CDS2: variants seen among roughly 807,000 people sequenced by gnomAD.
CDS2 encodes the protein CDP-diacylglycerol synthase 2.
Under a neutral mutation model 59.0 loss-of-function variants are expected in CDS2, and 47 were observed. The ratio of observed to expected loss-of-function variants is 0.80; its 90% confidence interval spans 0.63 to 1.02. CDS2 has a LOEUF of 1.02. Among genes scored for constraint, CDS2 ranks in the 50% least tolerant of loss-of-function variants. The probability of loss-of-function intolerance (pLI) is 0.00; values close to 1 mark genes in which losing one functional copy is unlikely to be tolerated. For missense variants in CDS2, 356 were observed against 558.9 expected (o/e 0.64, Z 3.66); for synonymous variants, 207 against 206.4 (o/e 1.00, Z -0.02).
In CDS2 at chr20:5,154,682, C is replaced by G. The variant is rs557137324; in HGVS notation, c.58-18841C>G. 2.1e-3 allele frequency among the ~76,000 whole-genome samples: 318 copies of G among 152,326 alleles called. 3 individuals carry two copies. Among genetic ancestry groups the G allele is most frequent in the Non-Finnish European group, 3.6e-3 (245 of 68,022 alleles). ...TTGTTTTATGAGACAAGGTCTTAGT[C>G]TGTCACCCAGGTGGGACTGCAGTAG... On this transcript the variant is annotated intron_variant, in intron 1 of 12. Coordinates refer to ENST00000460006, the MANE Select transcript of CDS2 (RefSeq NM_003818.4).
intron 1 of CDS2, among the ~76,000 whole-genome samples, chr20:5,141,430 A>G (rs149811854): frequency 2.9e-4 from 44 of 152,306 alleles, no homozygotes; most frequent in African/African-American, 9.1e-4. Flanking sequence ...GTGGAGGCTT[A>G]CAGGAAGGTG....
intron 1 of CDS2, among the ~76,000 whole-genome samples, chr20:5,133,424 A>G (rs1251454928): frequency 1.3e-5 from 2 of 152,104 alleles, no homozygotes; most frequent in East Asian, 3.9e-4. Flanking sequence ...GGCTTGAGGT[A>G]GTTATTTTAT....
At chr20:5,130,705 C>T (rs956487516) in intron 1 of CDS2, among the ~76,000 whole-genome samples, 26 of 150,936 alleles carry the variant, frequency 1.7e-4, no homozygotes, top group Admixed American at 2.0e-4. Context: ...ATCGCTTGAA[C>T]TTGGGAGGCA....
rs769400834 is a variant in CDS2 at position 5,175,280 on chromosome 20, G to C, written c.291+1G>C. On this transcript the variant is annotated splice_donor_variant, in intron 3 of 12. Coordinates refer to ENST00000460006, the MANE Select transcript of CDS2 (RefSeq NM_003818.4). LOFTEE classifies it high-confidence loss of function. Reference sequence around the variant, plus strand: ...GGGACCAATGGTTTTGATGATAATCGTAAGTGCCATTTCACACTATTTTAG... The same window carrying C: ...GGGACCAATGGTTTTGATGATAATCCTAAGTGCCATTTCACACTATTTTAG... The C allele has an allele frequency of 2.5e-6, 4 of 1,611,002 alleles. No homozygotes were observed. Among genetic ancestry groups the C allele is most frequent in the Admixed American group, 1.7e-5 (1 of 60,008 alleles).
At chr20:5,152,797 T>C (rs763740999) in intron 1 of CDS2, among the ~76,000 whole-genome samples, 12 of 152,210 alleles carry the variant, frequency 7.9e-5, no homozygotes, top group Non-Finnish European at 1.5e-4. Flanking sequence ...TTTGCTTTAT[T>C]GATTGGTTTT....
intron 10 of CDS2, chr20:5,187,305 C>T: frequency 5.5e-6 from 1 of 182,770 alleles, no homozygotes; most frequent in Non-Finnish European, 1.2e-5. Flanking sequence ...AGTAAAGTTA[C>T]TAATTTTGTT....
intron 10 of CDS2, among the ~76,000 whole-genome samples, chr20:5,188,373 C>T (rs2091086231): frequency 6.6e-6 from 1 of 152,190 alleles, no homozygotes; most frequent in Admixed American, 6.5e-5. Flanking sequence ...CCAAAACCAT[C>T]TGAGGCTACG....
intron 1 of CDS2, among the ~76,000 whole-genome samples, chr20:5,133,478 A>G (rs537325130): frequency 1.2e-4 from 18 of 152,292 alleles, no homozygotes; most frequent in Middle Eastern, 6.8e-3. Flanking sequence ...TATTAGCTCA[A>G]GATGACTTAG....
intron 1 of CDS2, among the ~76,000 whole-genome samples, chr20:5,151,375 A>G (rs4815765): frequency 0.52 from 78,981 of 152,042 alleles, 21,387 homozygotes; most frequent in African/African-American, 0.65. Flanking sequence ...TTCCTGTGTA[A>G]GTTAGTAGAT....
At chr20:5,173,325 G>C (rs1281680058) in intron 1 of CDS2, among the ~76,000 whole-genome samples, 198 bp from the exon 2 acceptor site, 1 of 152,260 alleles carries the variant, frequency 6.6e-6, no homozygotes, top group Admixed American at 6.5e-5. Context: ...TTCCAGCAGA[G>C]TGTGGCTGGC....
In CDS2 at chr20:5,183,095, T is replaced by C; in HGVS notation, c.623T>C (p.Val208Ala). 6.2e-7 allele frequency: 1 copy of C among 1,614,168 alleles called. No individual in the cohort carries two copies. Among genetic ancestry groups the C allele is most frequent in the Non-Finnish European group, 8.5e-7 (1 of 1,179,986 alleles). The change falls in exon 7 of 13, where the codon GTA becomes GCA. Residue 208 changes from valine to alanine, a missense_variant. By Grantham distance (64) the Val-to-Ala change is moderately conservative (BLOSUM62 0). Transcript: ENST00000460006. ...GWTHVTLLIV[V>A]TQSHLVIHNL... ...ACCCATGTGACATTGCTGATTGTTG[T>C]AACACAGTCACATCTTGTTATCCAC... is the stretch of plus-strand genomic sequence containing the variant.
chr20:5,164,415 A>T (rs1406237216), intron 1 of CDS2, among the ~76,000 whole-genome samples: 1 of 152,156 alleles, frequency 6.6e-6, no homozygotes. Flanking sequence ...GGTGAGTGAC[A>T]GTGAAGCAGG....
chr20:5,173,793 T>C, intron 2 of CDS2, 134 bp downstream of exon 2: 1 of 1,017,072 alleles, frequency 9.8e-7, no homozygotes, highest in Non-Finnish European at 1.5e-6. Context: ...ATGCCACTGC[T>C]CCAGGCTCCA....
intron 2 of CDS2, among the ~76,000 whole-genome samples, chr20:5,174,695 C>G (rs6116675): frequency 6.6e-6 from 1 of 150,738 alleles, no homozygotes; most frequent in African/African-American, 2.4e-5. Context: ...GCACTCCAAC[C>G]TGGGCTACAG....
intron 1 of CDS2, among the ~76,000 whole-genome samples, chr20:5,138,529 A>G (rs890035706): frequency 1.3e-5 from 2 of 151,940 alleles, no homozygotes; most frequent in African/African-American, 4.8e-5. Flanking sequence ...CTTGTCACCC[A>G]GGCTGGAGTG....
chr20:5,138,731 A>G (rs765569648), intron 1 of CDS2, among the ~76,000 whole-genome samples: 3 of 151,718 alleles, frequency 2.0e-5, no homozygotes, highest in South Asian at 2.1e-4. Context: ...GGTGATCCAC[A>G]TGCCTTAGCC....
chr20:5,190,240 AC>A lies in CDS2; in HGVS notation c.*9del, dbSNP rs752051902. On this transcript the variant is annotated 3_prime_UTR_variant, in exon 13 of 13. Coordinates refer to ENST00000460006, the MANE Select transcript of CDS2 (RefSeq NM_003818.4). ...CCACCACAGAGGACGAGTAGGGGCC[AC>A]CCAGGGCCAGGAGAACAGGAACAGA... The A allele has an allele frequency of 2.5e-6, 4 of 1,612,518 alleles. No homozygotes were observed. The highest frequency in any genetic ancestry group is 2.5e-6 in the Non-Finnish European group (3 of 1,179,212).
In CDS2 at chr20:5,189,075, C is replaced by T. The variant is rs372404549; in HGVS notation, c.990C>T (p.Val330=). The change falls in exon 11 of 13, where the codon GTC becomes GTT. Residue 330 remains valine, a synonymous_variant. Transcript: ENST00000460006. ...TCATTTACTCTTCTCAGAAAACGGT[C>T]CGGATGTACCCCTTCCAGATTCACA... ...VIQSVIGWKT[V]RMYPFQIHSI... The T allele has an allele frequency of 1.2e-6, 2 of 1,614,070 alleles. No individual in the cohort carries two copies. Among genetic ancestry groups the T allele is most frequent in the Non-Finnish European group, 1.7e-6 (2 of 1,180,014 alleles).
At chr20:5,127,225 GGTC>G in intron 1 of CDS2, 76 bp downstream of exon 1, 1 of 1,309,296 alleles carries the variant, frequency 7.6e-7, no homozygotes, top group Non-Finnish European at 1.0e-6. Flanking sequence ...CGCGCAGAGG[GGTC>G]GTCTTGTTCT....
Sources: allele counts gnomAD v4.1 joint callset (sites outside exome capture counted in the v4.1 genomes callset), GRCh38; gene constraint gnomAD v4.1.1; transcripts MANE v1.5; gene names NCBI Gene and HGNC (gene_info 2026-07-23, HGNC 2026-07-21).